PITPNM1: variants seen among roughly 807,000 people sequenced by gnomAD.
The protein encoded by PITPNM1 is phosphatidylinositol transfer protein membrane associated 1.
PITPNM1 carries 74 observed loss-of-function variants against 133.3 expected under a neutral mutation model. The ratio of observed to expected loss-of-function variants is 0.56; its 90% confidence interval spans 0.46 to 0.67. The LOEUF is 0.67. PITPNM1 is among the 30% of genes least tolerant of loss of function. PITPNM1 has a pLI of 0.00. For missense variants in PITPNM1, 1,398 were observed against 1,739.5 expected (o/e 0.80, Z 3.49); for synonymous variants, 738 against 741.4 (o/e 1.00, Z 0.08).
Position 67,497,162 on chromosome 11 carries a change from G to C in PITPNM1, c.2146+69C>G, listed in dbSNP as rs949350928. On this transcript the variant is annotated intron_variant, in intron 14 of 23. Transcript: ENST00000356404. Reference sequence around the variant, plus strand: ...TGCTCATGCCTCGGATGAGAGGGAAGGCCAGAGGAGGTGGGGAAGGAAGGG... The same window carrying C: ...TGCTCATGCCTCGGATGAGAGGGAACGCCAGAGGAGGTGGGGAAGGAAGGG... The C allele has an allele frequency of 1.5e-5, 20 of 1,315,446 alleles. No homozygotes were observed. The Admixed American group carries it at 4.8e-4, about 31-fold the overall frequency. The allele number at this position is 1,315,446 out of a possible 1,614,324, so 81.5% of individuals were successfully genotyped here.
At chr11:67,500,952 T>C (rs1866304186) in intron 5 of PITPNM1, among the ~76,000 whole-genome samples, 1 of 152,248 alleles carries the variant, frequency 6.6e-6, no homozygotes, top group African/African-American at 2.4e-5. Flanking sequence ...AATTATAAAC[T>C]TCTGCGAGGA....
chr11:67,498,111 T>G lies in PITPNM1; in HGVS notation c.1674+22A>C. On this transcript the variant is annotated intron_variant, in intron 11 of 23. Transcript: ENST00000356404. The surrounding 1 kb of genome is among the most constrained non-coding windows in gnomAD (Gnocchi z 5.7). ...GGGGGCTGCAGTGGAGGGCAGCAGA[T>G]GGACTGTCCCTAACCGCTGACCTGC... The G allele has an allele frequency of 1.2e-6, 2 of 1,611,438 alleles. No homozygotes were observed. The highest frequency in any genetic ancestry group is 1.1e-5 in the South Asian group (1 of 91,062).
Position 67,496,544 on chromosome 11 carries a change from A to T in PITPNM1, c.2147-196T>A, listed in dbSNP as rs973730071. ...GCTGGGCACCGTGGCTCATGCCTGG[A>T]ATCCCAGTACTGCGGGAGGCAGAAG... On this transcript the variant is annotated intron_variant, in intron 14 of 23. Transcript: ENST00000356404. 7.3e-5 allele frequency: 39 copies of T among 533,198 alleles called. No homozygotes were observed. The South Asian group carries it at 8.3e-4, about 11-fold the overall frequency. 33.0% of individuals were successfully genotyped at this position (533,198 alleles called of 1,614,324 possible). A position where few individuals can be genotyped will look rare whatever the true frequency, so the allele number is the denominator to read the frequency against.
At position 67,493,933 on chromosome 11, in the gene PITPNM1, G is replaced by C. The variant is rs557947221; in HGVS notation, c.2997C>G (p.Arg999=). 64 of 1,574,456 alleles carry C rather than the reference G, an allele frequency of 4.1e-5. No homozygotes were observed. The African/African-American group carries it at 7.7e-4, about 19-fold the overall frequency. ...RALGIGVYPV[R]MVVRGDHTYA... ...CCAGCCGCGCTCACCTGACCACCAT[G>C]CGCACGGGGTAGACACCAATGCCCA... The change falls in exon 20 of 24, where the codon CGC becomes CGG. Residue 999 remains arginine, a synonymous_variant. Coordinates refer to ENST00000356404, the MANE Select transcript of PITPNM1 (RefSeq NM_004910.3).
At chr11:67,493,201 CAG>C in intron 22 of PITPNM1, 139 bp from the exon 23 acceptor site, 5 of 1,176,488 alleles carry the variant, frequency 4.2e-6, no homozygotes, top group Non-Finnish European at 6.1e-6. Flanking sequence ...CCCACGGGGA[CAG>C]GGGCGGGACC....
rs566338731 is a variant in PITPNM1 at position 67,491,923 on chromosome 11, G to T, written c.*110C>A. On this transcript the variant is annotated 3_prime_UTR_variant, in exon 24 of 24. Coordinates refer to ENST00000356404, the MANE Select transcript of PITPNM1 (RefSeq NM_004910.3). ...ACACGGAGATATAGGGTGTGGGGCT[G>T]GGGGGGCCAGCGCTGGGGCCAAAAG... 1.7e-6 allele frequency: 2 copies of T among 1,197,140 alleles called. No homozygotes were observed. Among genetic ancestry groups the T allele is most frequent in the African/African-American group, 1.5e-5 (1 of 65,826 alleles). 74.2% of individuals were successfully genotyped at this position (1,197,140 alleles called of 1,614,324 possible).
Position 67,502,515 on chromosome 11 carries a change from G to A in PITPNM1, c.282C>T (p.Tyr94=), listed in dbSNP as rs769329788. ...VEEESWNAYP[Y]TRTRYTCPFV... is the part of the protein sequence containing the mutation. ...GCTCACCCACTCACCGGGTTCGGGTGTAGGGGTAGGCATTCCAGGATTCCT... is the reference window on the plus strand; with the variant it reads ...GCTCACCCACTCACCGGGTTCGGGTATAGGGGTAGGCATTCCAGGATTCCT... The change falls in exon 3 of 24, where the codon TAC becomes TAT. Residue 94 remains tyrosine, a synonymous_variant. Coordinates refer to ENST00000356404, the MANE Select transcript of PITPNM1 (RefSeq NM_004910.3). The surrounding 1 kb of genome is among the most constrained non-coding windows in gnomAD (Gnocchi z 5.9). The A allele has an allele frequency of 1.9e-6, 3 of 1,613,682 alleles. No homozygotes were observed. The highest frequency in any genetic ancestry group is 3.3e-5 in the Admixed American group (2 of 60,014).
intron 22 of PITPNM1, 65 bp from the exon 23 acceptor site, chr11:67,493,127 T>G (rs981526017): frequency 1.3e-6 from 2 of 1,590,264 alleles, no homozygotes; most frequent in Non-Finnish European, 1.7e-6. Flanking sequence ...GCGGGGCCTG[T>G]TGGGCTTCCC....
Position 67,495,499 on chromosome 11 carries a change from C to T in PITPNM1, c.2421G>A (p.Glu807=), listed in dbSNP as rs372846746. The change falls in exon 16 of 24, where the codon GAG becomes GAA. Residue 807 remains glutamate (E), a synonymous_variant. Coordinates refer to ENST00000356404, the MANE Select transcript of PITPNM1 (RefSeq NM_004910.3). ...STSGAFWKGS[E]LATDPPAQPA... ...GCTGGGCCGGGGGGTCAGTGGCCAA[C>T]TCACTGCCCTTCCAGAAGGCACCGC... The T allele has an allele frequency of 3.2e-6, 5 of 1,576,216 alleles. No individual in the cohort carries two copies. The African/African-American group carries it at 6.8e-5, about 21-fold the overall frequency.
At chr11:67,499,621 A>T in intron 8 of PITPNM1, 102 bp downstream of exon 8, 1 of 131,954 alleles carries the variant, frequency 7.6e-6, no homozygotes, top group Non-Finnish European at 1.4e-5. Context: ...CTATGTATTT[A>T]ATGAGCACCT....
rs1473666592 is a variant in PITPNM1 at position 67,497,580 on chromosome 11, G to A, written c.1882C>T (p.Pro628Ser). 3.1e-6 allele frequency: 5 copies of A among 1,607,860 alleles called. No individual in the cohort carries two copies. Among genetic ancestry groups the A allele is most frequent in the African/African-American group, 2.7e-5 (2 of 74,550 alleles). Residue 628 changes from proline (P) to serine (S), a missense_variant, in exon 13 of 24, where the codon CCT becomes TCT. By Grantham distance (74) the Pro-to-Ser change is moderately conservative. Transcript: ENST00000356404. Reference sequence around the variant, plus strand: ...ATGTCGCTGGGGATGCGCTGGGGAGGCAAGGCCGAGGGTTCTGGGCTGCCC... The same window carrying A: ...ATGTCGCTGGGGATGCGCTGGGGAGACAAGGCCGAGGGTTCTGGGCTGCCC... Reference protein sequence around the residue: ...GRGSPEPSALPPQRIPSDMAS... With the variant: ...GRGSPEPSALSPQRIPSDMAS...
rs530108138 is a variant in PITPNM1 at position 67,502,186 on chromosome 11, C to T, written c.416-100G>A. ...ATGACAGTTCCCGTCCTTTTGCAGA[C>T]AGGACATGAGGCCTGGAGAGGGCTG... On this transcript the variant is annotated intron_variant, in intron 4 of 23. Transcript: ENST00000356404. The surrounding 1 kb of genome is among the most constrained non-coding windows in gnomAD (Gnocchi z 5.9). 2.6e-6 allele frequency: 4 copies of T among 1,555,274 alleles called. No individual in the cohort carries two copies. Among genetic ancestry groups the T allele is most frequent in the Admixed American group, 3.5e-5 (2 of 56,830 alleles).
rs1314989621 is a variant in PITPNM1, at chr11:67,505,083, A to C, written c.-42+105T>G. The C allele has an allele frequency of 6.6e-6, 1 of 152,098 alleles. No individual in the cohort carries two copies. The highest frequency in any genetic ancestry group is 1.5e-5 in the Non-Finnish European group (1 of 68,266). 9.4% of individuals were successfully genotyped at this position (152,098 alleles called of 1,614,324 possible). A position where few individuals can be genotyped will look rare whatever the true frequency, so the allele number is the denominator to read the frequency against. On this transcript the variant is annotated intron_variant, in intron 1 of 23. Coordinates refer to ENST00000356404, the MANE Select transcript of PITPNM1 (RefSeq NM_004910.3). This position sits in a 1 kb window ranked among gnomAD's most constrained non-coding sequence, Gnocchi z 5.8. ...AGGCACCCCTCCATCCCCCACTCGC[A>C]CCCCGCGAGCAAGCGAGAGGCCCCG...
chr11:67,492,793 T>C, intron 23 of PITPNM1, 141 bp downstream of exon 23: 1 of 1,102,264 alleles, frequency 9.1e-7, no homozygotes. Context: ...CTCATGGCCC[T>C]TGTCCTCGGA....
At position 67,491,934 on chromosome 11, in the gene PITPNM1, C is replaced by G; in HGVS notation, c.*99G>C. 7.3e-7 allele frequency: 1 copy of G among 1,373,044 alleles called. No homozygotes were observed. Among genetic ancestry groups the G allele is most frequent in the South Asian group, 1.3e-5 (1 of 74,742 alleles). 85.1% of individuals were successfully genotyped at this position (1,373,044 alleles called of 1,614,324 possible). ...TAGGGTGTGGGGCTGGGGGGGCCAG[C>G]GCTGGGGCCAAAAGTCTGGGTCCCC... On this transcript the variant is annotated 3_prime_UTR_variant, in exon 24 of 24. Transcript: ENST00000356404.
chr11:67,499,770 T>A lies in PITPNM1; in HGVS notation c.1124A>T (p.Asp375Val), dbSNP rs760204994. The part of the protein sequence containing the change: ...PKEMTKWNSN[D>V]FIDAFASPVE... Reference sequence around the variant, plus strand: ...TGGGGAGGCAAAGGCATCAATGAAGTCATTGGAGTTCCACTTGGTCATCTC... The same window carrying A: ...TGGGGAGGCAAAGGCATCAATGAAGACATTGGAGTTCCACTTGGTCATCTC... The change falls in exon 8 of 24, where the codon GAC becomes GTC. Residue 375 changes from aspartate (D) to valine (V), a missense_variant. Physicochemically the swap from Asp to Val is radical, Grantham distance 152. Around this residue, in one of 5 missense-constraint regions of PITPNM1, gnomAD observed 195 missense variants for 178.8 expected, o/e 1.09. Transcript: ENST00000356404. 3 of 1,523,954 alleles carry A rather than the reference T, an allele frequency of 2.0e-6. No homozygotes were observed. Among genetic ancestry groups the A allele is most frequent in the Non-Finnish European group, 2.6e-6 (3 of 1,132,358 alleles). 94.4% of individuals were successfully genotyped at this position (1,523,954 alleles called of 1,614,324 possible). A position where few individuals can be genotyped will look rare whatever the true frequency, so the allele number is the denominator to read the frequency against.
intron 8 of PITPNM1, 38 bp downstream of exon 8, chr11:67,499,685 C>A: frequency 8.7e-7 from 1 of 1,154,694 alleles, no homozygotes; most frequent in Non-Finnish European, 1.2e-6. Flanking sequence ...CTGCTGTACA[C>A]GGGTGCTGGG....
intron 8 of PITPNM1, 38 bp downstream of exon 8, chr11:67,499,685 C>T (rs371266960): frequency 1.0e-5 from 12 of 1,154,572 alleles, no homozygotes; most frequent in East Asian, 2.4e-5. Flanking sequence ...CTGCTGTACA[C>T]GGGTGCTGGG....
At position 67,504,286 on chromosome 11, in the gene PITPNM1, C is replaced by A; in HGVS notation, c.-41-65G>T. On this transcript the variant is annotated intron_variant, in intron 1 of 23. Transcript: ENST00000356404. This position sits in a 1 kb window ranked among gnomAD's most constrained non-coding sequence, Gnocchi z 5.4. ...TGCGCGCGGCCCCGAGCCCTGCGCG[C>A]CGGCCGAGGGACTCAGGCCACGGGA... 1 of 594,022 alleles carries A rather than the reference C, an allele frequency of 1.7e-6. No individual in the cohort carries two copies. The highest frequency in any genetic ancestry group is 5.5e-5 in the South Asian group (1 of 18,234). The allele number at this position is 594,022 out of a possible 1,614,324, so 36.8% of individuals were successfully genotyped here.
Sources: gnomAD v4.1 joint callset for allele counts (sites outside exome capture counted in the v4.1 genomes callset) on GRCh38, gnomAD v4.1.1 for gene constraint, gnomAD v4.1.1 regional missense constraint, Gnocchi (gnomAD v3.1) non-coding constraint, MANE v1.5 for transcripts, NCBI Gene and HGNC (gene_info 2026-07-23, HGNC 2026-07-21) for gene names.